C8orf34: variants seen among roughly 807,000 people sequenced by gnomAD.
C8orf34 encodes the protein chromosome 8 open reading frame 34.
In C8orf34, 65 loss-of-function variants were observed where a neutral mutation model predicts 68.3. The observed-to-expected ratio is 0.95, with a 90% CI of 0.78 to 1.17. C8orf34 has a LOEUF of 1.17. Among genes scored for constraint, C8orf34 ranks in the 50% most tolerant of loss-of-function variants. The probability of loss-of-function intolerance (pLI) is 0.00; values close to 1 mark genes in which losing one functional copy is unlikely to be tolerated. For synonymous variants in C8orf34, 244 were observed against 241.2 expected (o/e 1.01, Z -0.11); for missense variants, 664 against 655.4 (o/e 1.01, Z -0.14).
intron 12 of C8orf34, among the ~76,000 whole-genome samples, chr8:68,813,942 A>T (rs1824731861): frequency 6.6e-6 from 1 of 152,066 alleles, no homozygotes; most frequent in Non-Finnish European, 1.5e-5. Context: ...CTTTTTTCTT[A>T]TCAAATGTGA....
At chr8:68,612,479 C>G (rs935101163) in intron 7 of C8orf34, among the ~76,000 whole-genome samples, 9 of 151,586 alleles carry the variant, frequency 5.9e-5, no homozygotes, top group African/African-American at 2.2e-4. Context: ...GAAATAATAT[C>G]TTGCCCCGGC....
intron 1 of C8orf34, among the ~76,000 whole-genome samples, chr8:68,387,537 A>G (rs1428072935): frequency 2.0e-5 from 3 of 152,202 alleles, no homozygotes; most frequent in Non-Finnish European, 4.4e-5. Context: ...CAAATAGAGG[A>G]AGAAGGAGCA....
intron 7 of C8orf34, among the ~76,000 whole-genome samples, chr8:68,592,861 C>G (rs985285879): frequency 6.6e-6 from 1 of 151,880 alleles, no homozygotes; most frequent in Admixed American, 6.6e-5. Context: ...CCCACTTTGG[C>G]CTTCCAAAGT....
chr8:68,537,834 C>A (rs185036422), intron 7 of C8orf34, among the ~76,000 whole-genome samples: 1 of 151,900 alleles, frequency 6.6e-6, no homozygotes, highest in African/African-American at 2.4e-5. Context: ...ATTTGCAAAT[C>A]GTAGAGATTA....
intron 8 of C8orf34, among the ~76,000 whole-genome samples, chr8:68,695,000 T>A (rs919797298): frequency 1.3e-5 from 2 of 152,030 alleles, no homozygotes; most frequent in African/African-American, 4.8e-5. Flanking sequence ...CTATCCGAAT[T>A]TATATTTATT....
intron 7 of C8orf34, among the ~76,000 whole-genome samples, chr8:68,604,485 G>A (rs77901416): frequency 0.066 from 10,050 of 152,092 alleles, 463 homozygotes; most frequent in African/African-American, 0.13. Flanking sequence ...CAACAAATTA[G>A]TTATAGCAAT....
Position 68,330,981 on chromosome 8 carries a change from C to T in C8orf34, c.-32C>T, listed in dbSNP as rs2129617568. 2.2e-6 allele frequency: 3 copies of T among 1,363,902 alleles called. No homozygotes were observed. Among genetic ancestry groups the T allele is most frequent in the Non-Finnish European group, 2.8e-6 (3 of 1,062,366 alleles). The allele number at this position is 1,363,902 out of a possible 1,614,324, so 84.5% of individuals were successfully genotyped here. A position where few individuals can be genotyped will look rare whatever the true frequency, so the allele number is the denominator to read the frequency against. ...CTGCGCCGGGCGCTGCGGAGAGCGG[C>T]GAGGGTGGGCGCGAGGCGGAGAACG... is the stretch of plus-strand genomic sequence containing the variant. On this transcript the variant is annotated 5_prime_UTR_variant, in exon 1 of 14. Transcript: ENST00000518698.
At chr8:68,788,827 C>G (rs895151743) in intron 12 of C8orf34, among the ~76,000 whole-genome samples, 2 of 151,916 alleles carry the variant, frequency 1.3e-5, no homozygotes, top group African/African-American at 4.8e-5. Context: ...CCACTGCACT[C>G]CCGCCTGGCG....
At chr8:68,745,571 C>T (rs964257549) in intron 10 of C8orf34, among the ~76,000 whole-genome samples, 5 of 152,026 alleles carry the variant, frequency 3.3e-5, no homozygotes, top group Non-Finnish European at 5.9e-5. Context: ...CAAAAAAAGG[C>T]AGGGGTTGCA....
intron 8 of C8orf34, among the ~76,000 whole-genome samples, chr8:68,701,692 C>T (rs1821021979): frequency 6.6e-6 from 1 of 152,018 alleles, no homozygotes; most frequent in Admixed American, 6.6e-5. Context: ...CAGGTTAAAG[C>T]AAAAGTCCCA....
chr8:68,682,949 T>A (rs535771457), intron 8 of C8orf34, among the ~76,000 whole-genome samples: 4 of 152,198 alleles, frequency 2.6e-5, no homozygotes, highest in Non-Finnish European at 5.9e-5. Flanking sequence ...GGAAGGACAC[T>A]CCTAGAGATT....
intron 5 of C8orf34, among the ~76,000 whole-genome samples, chr8:68,488,980 G>A (rs1813194461): frequency 7.5e-6 from 1 of 132,502 alleles, no homozygotes; most frequent in Admixed American, 7.5e-5. Flanking sequence ...AACTGATAAC[G>A]AATTTACGTT....
intron 1 of C8orf34, among the ~76,000 whole-genome samples, chr8:68,436,835 G>A (rs1036013971): frequency 2.0e-5 from 3 of 152,064 alleles, no homozygotes; most frequent in Admixed American, 6.6e-5. Context: ...CTACCTCTGC[G>A]GCTCTAATTT....
chr8:68,643,270 T>A (rs1398003582), intron 8 of C8orf34, among the ~76,000 whole-genome samples: 1 of 152,196 alleles, frequency 6.6e-6, no homozygotes, highest in Non-Finnish European at 1.5e-5. Context: ...TGTCATTGTC[T>A]CACCTCTCTT....
At chr8:68,661,677 C>T (rs1236132136) in intron 8 of C8orf34, among the ~76,000 whole-genome samples, 1 of 152,104 alleles carries the variant, frequency 6.6e-6, no homozygotes, top group East Asian at 1.9e-4. Context: ...TACCCCATTC[C>T]CCTAGGGCTC....
chr8:68,605,863 A>G (rs188938770), intron 7 of C8orf34, among the ~76,000 whole-genome samples: 2 of 152,194 alleles, frequency 1.3e-5, no homozygotes, highest in East Asian at 3.9e-4. Flanking sequence ...CCTAATGCAA[A>G]CTATGGACTT....
chr8:68,348,604 G>A (rs1293570884), intron 1 of C8orf34, among the ~76,000 whole-genome samples: 1 of 152,040 alleles, frequency 6.6e-6, no homozygotes, highest in African/African-American at 2.4e-5. Context: ...AGCATGGGAT[G>A]TTTTTTCATT....
At chr8:68,579,353 T>C (rs1281995134) in intron 7 of C8orf34, among the ~76,000 whole-genome samples, 1 of 152,110 alleles carries the variant, frequency 6.6e-6, no homozygotes, top group African/African-American at 2.4e-5. Context: ...ACCAAACAGG[T>C]ACTTTTAGAC....
chr8:68,622,748 CA>C (rs1818424642), intron 7 of C8orf34, among the ~76,000 whole-genome samples: 1 of 151,356 alleles, frequency 6.6e-6, no homozygotes, highest in African/African-American at 2.4e-5. Context: ...GTTGAGAGAA[CA>C]AAAAAATAAA....
Sources: allele counts gnomAD v4.1 joint callset (sites outside exome capture counted in the v4.1 genomes callset), GRCh38; gene constraint gnomAD v4.1.1; transcripts MANE v1.5; gene names NCBI Gene and HGNC (gene_info 2026-07-23, HGNC 2026-07-21).